The following PECAM1 variants were observed in gnomAD, a reference collection of about 807,000 sequenced individuals.
The protein encoded by PECAM1 is platelet and endothelial cell adhesion molecule 1.
In PECAM1, 8 loss-of-function variants were observed where a neutral mutation model predicts 13.8. That is an observed-to-expected ratio of 0.58 (90% confidence interval 0.34 to 1.05). The LOEUF (loss-of-function observed/expected upper bound fraction) is 1.05, where lower values mean the gene tolerates loss of function less well. PECAM1 is among the 50% of genes least tolerant of loss of function. The probability of loss-of-function intolerance (pLI) is 0.03; values close to 1 mark genes in which losing one functional copy is unlikely to be tolerated. For synonymous variants in PECAM1, 136 were observed against 52.6 expected (o/e 2.58, Z -6.86); for missense variants, 304 against 141.2 (o/e 2.15, Z -5.84).
chr17:64,351,928 T>C (rs977707733), intron 11 of PECAM1, among the ~76,000 whole-genome samples: 2,364 of 152,330 alleles, frequency 0.016, 60 homozygotes, highest in African/African-American at 0.053. Flanking sequence ...TAGATATTTC[T>C]TAGTTGGAAC....
chr17:64,368,792 G>A (rs1285890111), intron 5 of PECAM1, among the ~76,000 whole-genome samples: 2 of 150,844 alleles, frequency 1.3e-5, no homozygotes, highest in African/African-American at 4.9e-5. Flanking sequence ...GGCAGAGGTT[G>A]TAGTGGGCCG....
At chr17:64,360,090 A>G in intron 7 of PECAM1, 50 bp downstream of exon 7, 2 of 475,246 alleles carry the variant, frequency 4.2e-6, no homozygotes, top group Non-Finnish European at 7.7e-6. Flanking sequence ...CCTGGGCGTG[A>G]AAGAATGCCC....
At chr17:64,330,075 G>A (rs2035065644) in intron 14 of PECAM1, among the ~76,000 whole-genome samples, 2 of 151,858 alleles carry the variant, frequency 1.3e-5, no homozygotes, top group Non-Finnish European at 2.9e-5. Flanking sequence ...GCCTCAGCTG[G>A]CACTATCTCG....
Position 64,322,630 on chromosome 17 carries a change from A to G in PECAM1, c.*1186T>C. ...TCTCATCTGTGAAATTCCACAGCGC[A>G]ATGACAGCAGCCTCTCTCCCACCCA... On this transcript the variant is annotated 3_prime_UTR_variant, in exon 16 of 16. Transcript: ENST00000563924. The G allele has an allele frequency of 2.0e-6, 2 of 985,426 alleles. No individual in the cohort carries two copies. The highest frequency in any genetic ancestry group is 1.2e-6 in the Non-Finnish European group (1 of 829,914). 61.0% of individuals were successfully genotyped at this position (985,426 alleles called of 1,614,324 possible). A position where few individuals can be genotyped will look rare whatever the true frequency, so the allele number is the denominator to read the frequency against.
At chr17:64,343,303 C>T (rs1350281692) in intron 13 of PECAM1, among the ~76,000 whole-genome samples, 1 of 152,018 alleles carries the variant, frequency 6.6e-6, no homozygotes, top group Non-Finnish European at 1.5e-5. Flanking sequence ...CAGCACTGCC[C>T]TTTCTCCTTG....
chr17:64,355,916 A>G (rs984519466), intron 8 of PECAM1, among the ~76,000 whole-genome samples, 195 bp downstream of exon 8: 4 of 152,104 alleles, frequency 2.6e-5, no homozygotes, highest in Non-Finnish European at 5.9e-5. Flanking sequence ...AATTCCTTAT[A>G]ATAATCGATT....
chr17:64,336,116 A>T (rs1479418759), intron 14 of PECAM1, among the ~76,000 whole-genome samples: 1 of 151,982 alleles, frequency 6.6e-6, no homozygotes, highest in African/African-American at 2.4e-5. Context: ...ATACAAAAAA[A>T]ATTACCCGGG....
chr17:64,367,973 C>T (rs1054403583), intron 5 of PECAM1, among the ~76,000 whole-genome samples: 1 of 152,158 alleles, frequency 6.6e-6, no homozygotes, highest in African/African-American at 2.4e-5. Flanking sequence ...GGTAGCCTAC[C>T]TATGGTGCTG....
At chr17:64,386,907 G>A (rs972796178) in intron 2 of PECAM1, among the ~76,000 whole-genome samples, 16 of 152,190 alleles carry the variant, frequency 1.1e-4, no homozygotes, top group Non-Finnish European at 1.8e-4. Flanking sequence ...TCAGGGCAGA[G>A]GCCAGGGCTG....
At chr17:64,344,136 G>C (rs2035504718) in intron 13 of PECAM1, among the ~76,000 whole-genome samples, 1 of 152,036 alleles carries the variant, frequency 6.6e-6, no homozygotes, top group Non-Finnish European at 1.5e-5. Context: ...CACAGTGGGG[G>C]CTGGGGCAGG....
chr17:64,380,729 G>A (rs961651438), intron 2 of PECAM1, among the ~76,000 whole-genome samples: 1 of 151,980 alleles, frequency 6.6e-6, no homozygotes, highest in Non-Finnish European at 1.5e-5. Context: ...GGCTGGATAA[G>A]GCCAGGAATG....
intron 2 of PECAM1, among the ~76,000 whole-genome samples, chr17:64,383,263 G>A (rs1310389898): frequency 2.0e-5 from 3 of 152,134 alleles, no homozygotes; most frequent in Non-Finnish European, 2.9e-5. Context: ...ATTCAAACCC[G>A]TGATCCCACA....
chr17:64,334,724 G>A (rs985826468), intron 14 of PECAM1, among the ~76,000 whole-genome samples: 5 of 152,068 alleles, frequency 3.3e-5, no homozygotes, highest in Non-Finnish European at 7.4e-5. Flanking sequence ...AGCCAGGATG[G>A]TCTCGATCTC....
At chr17:64,361,971 A>G (rs2035993358) in intron 6 of PECAM1, among the ~76,000 whole-genome samples, 1 of 152,182 alleles carries the variant, frequency 6.6e-6, no homozygotes, top group African/African-American at 2.4e-5. Flanking sequence ...AGAGCATTAA[A>G]AATAGGCTAA....
chr17:64,351,013 A>G (rs1387132828), intron 11 of PECAM1, among the ~76,000 whole-genome samples: 1 of 151,994 alleles, frequency 6.6e-6, no homozygotes, highest in Non-Finnish European at 1.5e-5. Context: ...AGTAGCTGGG[A>G]TTATAAACAT....
chr17:64,330,290 A>G (rs2035072947), intron 14 of PECAM1, among the ~76,000 whole-genome samples: 1 of 152,030 alleles, frequency 6.6e-6, no homozygotes, highest in Non-Finnish European at 1.5e-5. Flanking sequence ...AAGTGCTGGG[A>G]TTACAAGTGT....
At chr17:64,352,328 G>T in intron 11 of PECAM1, 62 bp downstream of exon 11, 1 of 462,774 alleles carries the variant, frequency 2.2e-6, no homozygotes. Context: ...GCTTCTGAGA[G>T]GGCTAAGGAA....
chr17:64,357,164 C>G (rs2035865349), intron 7 of PECAM1, among the ~76,000 whole-genome samples: 1 of 152,160 alleles, frequency 6.6e-6, no homozygotes, highest in East Asian at 1.9e-4. Flanking sequence ...CCTGGCACCC[C>G]TTTCTTATTC....
intron 14 of PECAM1, among the ~76,000 whole-genome samples, chr17:64,337,543 G>A (rs1236661077): frequency 2.6e-5 from 4 of 152,192 alleles, no homozygotes; most frequent in Non-Finnish European, 5.9e-5. Context: ...AGTCTCTGAG[G>A]GGTAAGACAT....
Sources: gnomAD v4.1 joint callset for allele counts (sites outside exome capture counted in the v4.1 genomes callset) on GRCh38, gnomAD v4.1.1 for gene constraint, MANE v1.5 for transcripts, NCBI Gene and HGNC (gene_info 2026-07-23, HGNC 2026-07-21) for gene names.